URB1: variants seen among roughly 807,000 people sequenced by gnomAD.
URB1 encodes the protein nucleolar pre-ribosomal-associated protein 1.
In URB1, 197 loss-of-function variants were observed where a neutral mutation model predicts 242.3. The observed-to-expected ratio is 0.81, with a 90% CI of 0.72 to 0.91. The LOEUF is 0.91. Among genes scored for constraint, URB1 ranks in the 40% least tolerant of loss-of-function variants. The pLI is 0.00. For missense variants in URB1, 2,721 were observed against 2,860.5 expected (o/e 0.95, Z 1.11); for synonymous variants, 1,153 against 1,201.8 (o/e 0.96, Z 0.84).
chr21:32,338,025 T>G (rs1192993322), intron 26 of URB1, among the ~76,000 whole-genome samples: 1 of 152,218 alleles, frequency 6.6e-6, no homozygotes. Context: ...TGGAGCCCTT[T>G]TAGTTTTTCT....
rs572388001 is a variant in URB1 at position 32,350,635 on chromosome 21, G to A, written c.2832+69C>T. 1.6e-3 allele frequency: 2,472 copies of A among 1,506,844 alleles called. 2 individuals are homozygous for A. Among genetic ancestry groups the A allele is most frequent in the Non-Finnish European group, 2.1e-3 (2,338 of 1,113,416 alleles). 93.3% of individuals were successfully genotyped at this position (1,506,844 alleles called of 1,614,324 possible). On this transcript the variant is annotated intron_variant, in intron 20 of 38. Coordinates refer to ENST00000382751, the MANE Select transcript of URB1 (RefSeq NM_014825.3). Reference sequence around the variant, plus strand: ...CAAGAGTGTGCTGGGCTGTGGGCCCGACTCAGAGAAGGCTTAGCTCTCTGG... The same window carrying A: ...CAAGAGTGTGCTGGGCTGTGGGCCCAACTCAGAGAAGGCTTAGCTCTCTGG...
chr21:32,383,592 A>G, intron 3 of URB1, 38 bp from the exon 4 acceptor site: 2 of 1,534,182 alleles, frequency 1.3e-6, no homozygotes, highest in Middle Eastern at 1.8e-4. Context: ...CACGTCAACA[A>G]CAGCAGAAGC....
rs532634009 is a variant in URB1 at position 32,321,738 on chromosome 21, G to A, written c.5484+63C>T. Reference sequence around the variant, plus strand: ...TGAATTCATACGGACTTGACTTCCAGATAAAATCTTAAGAAGGGGCACAGA... The same window carrying A: ...TGAATTCATACGGACTTGACTTCCAAATAAAATCTTAAGAAGGGGCACAGA... On this transcript the variant is annotated intron_variant, in intron 34 of 38. Transcript: ENST00000382751. 1.0e-5 allele frequency: 16 copies of A among 1,537,108 alleles called. No homozygotes were observed. In the East Asian group the frequency reaches 1.5e-4, roughly 14 times the overall value.
In URB1 at chr21:32,338,700, G is replaced by A; in HGVS notation, c.4510+7C>T. The stretch of plus-strand genomic sequence containing the variant: ...TACGGAATGGAAGGGCTGGGGTGAG[G>A]GGTCACCTTTTACTTGGCTGTCCGG... On this transcript the variant is annotated splice_region_variant and intron_variant, in intron 26 of 38. Coordinates refer to ENST00000382751, the MANE Select transcript of URB1 (RefSeq NM_014825.3). 1 of 1,550,762 alleles carries A rather than the reference G, an allele frequency of 6.4e-7. No homozygotes were observed. The highest frequency in any genetic ancestry group is 1.2e-5 in the South Asian group (1 of 83,988).
intron 5 of URB1, among the ~76,000 whole-genome samples, chr21:32,376,853 TCTCA>T (rs1226307861): frequency 1.1e-4 from 16 of 152,132 alleles, no homozygotes; most frequent in South Asian, 2.1e-4. Flanking sequence ...AGAGACAGAA[TCTCA>T]CTATGTTGTC....
At chr21:32,322,754 G>A (rs1329175925) in intron 32 of URB1, among the ~76,000 whole-genome samples, 170 bp from the exon 33 acceptor site, 1 of 152,204 alleles carries the variant, frequency 6.6e-6, no homozygotes, top group Non-Finnish European at 1.5e-5. Context: ...AATTCAACAC[G>A]TCAGCTCCAT....
intron 18 of URB1, 92 bp from the exon 19 acceptor site, chr21:32,352,998 A>C: frequency 7.3e-7 from 1 of 1,364,822 alleles, no homozygotes; most frequent in Non-Finnish European, 9.7e-7. Context: ...TACAGGCAAG[A>C]CCCTGAAAAA....
chr21:32,347,086 C>T lies in URB1; in HGVS notation c.3738G>A (p.Leu1246=). ...LLLQESCTHL[L]WFEQWCLQAG... is the part of the protein sequence containing the mutation. ...CCTGCAGGCACCACTGCTCGAACCACAGCAAGTGGGTGCAGCTCTCCTGGA... is the reference window on the plus strand; with the variant it reads ...CCTGCAGGCACCACTGCTCGAACCATAGCAAGTGGGTGCAGCTCTCCTGGA... Residue 1246 remains leucine (L), a synonymous_variant, in exon 22 of 39, where the codon CTG becomes CTA. Transcript: ENST00000382751. 1 of 1,550,630 alleles carries T rather than the reference C, an allele frequency of 6.4e-7. No homozygotes were observed. Among genetic ancestry groups the T allele is most frequent in the East Asian group, 2.4e-5 (1 of 40,888 alleles).
At chr21:32,358,002 C>T (rs1191047846) in intron 14 of URB1, among the ~76,000 whole-genome samples, 1 of 151,572 alleles carries the variant, frequency 6.6e-6, no homozygotes, top group Non-Finnish European at 1.5e-5. Flanking sequence ...GCACTCCAGC[C>T]TGGGCAACAG....
rs916473715 is a variant in URB1 at position 32,349,363 on chromosome 21, C to T, written c.2953G>A (p.Glu985Lys). 5.8e-6 allele frequency: 9 copies of T among 1,551,300 alleles called. No individual in the cohort carries two copies. The highest frequency in any genetic ancestry group is 1.7e-6 in the Non-Finnish European group (2 of 1,146,938). The change falls in exon 21 of 39, where the codon GAA (glutamate) becomes AAA (lysine). Residue 985 changes from glutamate to lysine, a missense_variant. By Grantham distance (56) the Glu-to-Lys change is moderately conservative. Coordinates refer to ENST00000382751, the MANE Select transcript of URB1 (RefSeq NM_014825.3). ...NQQRCEAARA[E>K]ADLFLDMESV... ...TCCATGTCCAGGAAGAGGTCGGCTT[C>T]GGCCCGGGCGGCCTCGCATCTCTGC...
rs567025362 is a variant in URB1 at position 32,314,011 on chromosome 21, T to C, written c.*907A>G. ...AATTCAAAATCCCCTCTTTGAAGTATAGCTTTAAAAATTACAGGCTGTCTT... is the reference window on the plus strand; with the variant it reads ...AATTCAAAATCCCCTCTTTGAAGTACAGCTTTAAAAATTACAGGCTGTCTT... On this transcript the variant is annotated 3_prime_UTR_variant, in exon 39 of 39. Coordinates refer to ENST00000382751, the MANE Select transcript of URB1 (RefSeq NM_014825.3). 1 of 153,968 alleles carries C rather than the reference T, an allele frequency of 6.5e-6. No homozygotes were observed. Among genetic ancestry groups the C allele is most frequent in the African/African-American group, 2.4e-5 (1 of 41,588 alleles). The allele number at this position is 153,968 out of a possible 1,614,324, so 9.5% of individuals were successfully genotyped here.
At chr21:32,321,758 C>A in intron 34 of URB1, 43 bp downstream of exon 34, 1 of 1,546,468 alleles carries the variant, frequency 6.5e-7, no homozygotes, top group Non-Finnish European at 8.7e-7. Context: ...TAAGAAGGGG[C>A]ACAGACCTCT....
At chr21:32,378,164 A>G (rs1345621497) in intron 5 of URB1, among the ~76,000 whole-genome samples, 1 of 152,074 alleles carries the variant, frequency 6.6e-6, no homozygotes, top group Admixed American at 6.6e-5. Flanking sequence ...TGTTTGCCCG[A>G]CTCTGCCTCT....
Position 32,316,608 on chromosome 21 carries a change from C to T in URB1, c.6492G>A (p.Gly2164=). The T allele has an allele frequency of 6.4e-7, 1 of 1,551,540 alleles. No homozygotes were observed. Residue 2164 remains glycine, a synonymous_variant, in exon 38 of 39, where the codon GGG becomes GGA. Coordinates refer to ENST00000382751, the MANE Select transcript of URB1 (RefSeq NM_014825.3). ...ACAGGCAGGCCACCTCCTGCACAGG[C>T]CCTGCCAGCCCCTCAGCCCCACAGA... The part of the protein sequence containing the change: ...SRLCGAEGLA[G]PVQEVACLFN...
chr21:32,373,824 T>G lies in URB1; in HGVS notation c.751-52A>C. ...AAAAAACAAATTATGAAAAAGTTCA[T>G]GGAATTCAATTATTTTTTAAATGGT... On this transcript the variant is annotated intron_variant, in intron 6 of 38. Coordinates refer to ENST00000382751, the MANE Select transcript of URB1 (RefSeq NM_014825.3). The G allele has an allele frequency of 2.1e-6, 3 of 1,424,182 alleles. No individual in the cohort carries two copies. The Admixed American group carries it at 8.2e-5, about 39-fold the overall frequency. The allele number at this position is 1,424,182 out of a possible 1,614,324, so 88.2% of individuals were successfully genotyped here.
In URB1 at chr21:32,311,777, C is replaced by A. The variant is rs1320278577; in HGVS notation, c.*3141G>T. On this transcript the variant is annotated 3_prime_UTR_variant, in exon 39 of 39. Transcript: ENST00000382751. ...AGTGCCTGCCGTGCCACAGGGAACCCCTGGCAACCTCACAGGCTCAGGCGA... is the reference window on the plus strand; with the variant it reads ...AGTGCCTGCCGTGCCACAGGGAACCACTGGCAACCTCACAGGCTCAGGCGA... The A allele has an allele frequency of 6.2e-7, 1 of 1,614,174 alleles. No individual in the cohort carries two copies. Among genetic ancestry groups the A allele is most frequent in the Admixed American group, 1.7e-5 (1 of 60,036 alleles).
chr21:32,342,697 G>GA (rs57518837), intron 24 of URB1, among the ~76,000 whole-genome samples: 1,872 of 147,774 alleles, frequency 0.013, 51 homozygotes, highest in African/African-American at 0.044. Context: ...ACCCTGGTCA[G>GA]GATCTCCTCT....
rs2032859867 is a variant in URB1, at chr21:32,328,744, G to A, written c.4961-3355C>T. ...TCCACGTGTCCATGAGGAAAAGTCA[G>A]TTTCCTGTTTTGTGCTCATCTCTGC... On this transcript the variant is annotated intron_variant, in intron 30 of 38. Transcript: ENST00000382751. 2.0e-5 allele frequency among the ~76,000 whole-genome samples: 3 copies of A among 152,290 alleles called. No individual in the cohort carries two copies. In the South Asian group the frequency reaches 6.2e-4, roughly 32 times the overall value.
At chr21:32,365,387 G>A (rs1481180502) in intron 10 of URB1, among the ~76,000 whole-genome samples, 1 of 151,842 alleles carries the variant, frequency 6.6e-6, no homozygotes, top group South Asian at 2.1e-4. Flanking sequence ...AGAGTTTGAC[G>A]CTGCAATGAG....
Sources: allele counts gnomAD v4.1 joint callset (sites outside exome capture counted in the v4.1 genomes callset), GRCh38; gene constraint gnomAD v4.1.1; transcripts MANE v1.5; gene names NCBI Gene and HGNC (gene_info 2026-07-23, HGNC 2026-07-21).